Variants in MTMR3 observed in about 807,000 individuals in gnomAD.
The protein encoded by MTMR3 is myotubularin related protein 3, also known as phosphatidylinositol-3,5-bisphosphate 3-phosphatase MTMR3.
In MTMR3, 32 loss-of-function variants were observed where a neutral mutation model predicts 132.4. That is an observed-to-expected ratio of 0.24 (90% CI 0.18 to 0.32). MTMR3 has a LOEUF of 0.32. MTMR3 is among the 10% of genes least tolerant of loss of function. The pLI is 1.00. For missense variants in MTMR3, 1,216 were observed against 1,489.6 expected, an observed-to-expected ratio of 0.82 and a Z score of 3.02; for synonymous variants, 556 against 550.3, an observed-to-expected ratio of 1.01 and a Z score of -0.14.
intron 19 of MTMR3, chr22:30,023,608 C>A: frequency 8.3e-7 from 1 of 1,207,722 alleles, no homozygotes; most frequent in South Asian, 1.2e-5. Context: ...GGTGCACAGG[C>A]AGATAGGTGG....
At chr22:29,906,245 CGTCTGTCT>C (rs57375920) in intron 1 of MTMR3, among the ~76,000 whole-genome samples, 9,802 of 106,330 alleles carry the variant, frequency 0.092, 435 homozygotes, top group African/African-American at 0.12. Context: ...TCCATCCATC[CGTCTGTCT>C]GTCTGTCTGT....
chr22:29,955,849 T>C (rs1336908562), intron 1 of MTMR3, among the ~76,000 whole-genome samples: 2 of 152,138 alleles, frequency 1.3e-5, no homozygotes, highest in Non-Finnish European at 2.9e-5. Context: ...CCTCCCGGGT[T>C]TGAGTGATTC....
chr22:29,929,724 G>A (rs2145787303), intron 1 of MTMR3, among the ~76,000 whole-genome samples: 1 of 152,214 alleles, frequency 6.6e-6, no homozygotes. Flanking sequence ...GTGTTAGTCA[G>A]GATGGTCTTG....
intron 1 of MTMR3, among the ~76,000 whole-genome samples, chr22:29,889,999 C>T (rs1273505996): frequency 2.0e-5 from 3 of 151,352 alleles, no homozygotes; most frequent in Admixed American, 6.6e-5. Context: ...CTCTGCCTCC[C>T]GGGTTCAAGC....
chr22:29,913,472 T>C (rs373180016), intron 1 of MTMR3, among the ~76,000 whole-genome samples: 1 of 152,294 alleles, frequency 6.6e-6, no homozygotes, highest in African/African-American at 2.4e-5. Flanking sequence ...TTTGACTCTT[T>C]TTGCTGCCAC....
chr22:29,919,287 A>G (rs528825583), intron 1 of MTMR3, among the ~76,000 whole-genome samples: 15 of 152,120 alleles, frequency 9.9e-5, no homozygotes, highest in East Asian at 1.9e-4. Flanking sequence ...TCATACCATA[A>G]CTATATACAT....
chr22:30,006,900 G>C, intron 9 of MTMR3: 1 of 539,732 alleles, frequency 1.9e-6, no homozygotes, highest in African/African-American at 1.9e-5. Context: ...AGGGATCTCC[G>C]TGATGTTATG....
chr22:29,991,830 A>G (rs190466003), intron 7 of MTMR3, 160 bp downstream of exon 7: 47 of 683,706 alleles, frequency 6.9e-5, no homozygotes, highest in Non-Finnish European at 1.0e-4. Flanking sequence ...GCTTAATAGA[A>G]CATCTTTTCT....
At chr22:29,918,879 CTGTT>C (rs1041876538) in intron 1 of MTMR3, among the ~76,000 whole-genome samples, 16 of 152,092 alleles carry the variant, frequency 1.1e-4, no homozygotes, top group Non-Finnish European at 1.2e-4. Context: ...AAAGGATTGT[CTGTT>C]TGTATGGTTA....
At chr22:29,967,536 TA>T (rs956271630) in intron 2 of MTMR3, among the ~76,000 whole-genome samples, 1 of 150,686 alleles carries the variant, frequency 6.6e-6, no homozygotes, top group Non-Finnish European at 1.5e-5. Flanking sequence ...ATGGCTTCTG[TA>T]TTTTTTTTTT....
intron 16 of MTMR3, chr22:30,019,220 A>G (rs1414915826): frequency 5.4e-6 from 2 of 368,658 alleles, no homozygotes; most frequent in Admixed American, 4.2e-5. Context: ...AAAAAAAAAG[A>G]AAATAGCACT....
At chr22:29,916,830 A>G (rs898150971) in intron 1 of MTMR3, among the ~76,000 whole-genome samples, 8 of 152,222 alleles carry the variant, frequency 5.3e-5, no homozygotes, top group African/African-American at 1.9e-4. Context: ...TTGTGTAAAT[A>G]AATAAATGTT....
At position 30,022,125 on chromosome 22, in the gene MTMR3, A is replaced by G; in HGVS notation, c.3322A>G (p.Lys1108Glu). Residue 1108 changes from lysine (K) to glutamate (E), a missense_variant, in exon 18 of 20, where the codon AAA (lysine) becomes GAA (glutamate). Lys to Glu is a moderately conservative substitution (Grantham distance 56). Around this residue, in one of 7 missense-constraint regions of MTMR3, gnomAD observed 852 missense variants for 852.0 expected, o/e 1.00. Coordinates refer to ENST00000401950, the MANE Select transcript of MTMR3 (RefSeq NM_021090.4). ...FSEASWEQVD[K>E]QDTEMTRWLP... ...TGAAGCCAGCTGGGAGCAGGTGGAT[A>G]AACAGGACACAGAGGTACAGGCTCA... The G allele has an allele frequency of 6.2e-7, 1 of 1,613,372 alleles. No individual in the cohort carries two copies.
At chr22:30,010,876 A>C (rs2067402273) in intron 12 of MTMR3, 1 of 152,130 alleles carries the variant, frequency 6.6e-6, no homozygotes, top group Admixed American at 6.5e-5. Flanking sequence ...TTACGATTGG[A>C]TTTTTACCCA....
rs1266197226 is a variant in MTMR3 at position 30,007,292 on chromosome 22, G to T, written c.850G>T (p.Gly284Trp). The T allele has an allele frequency of 3.1e-6, 5 of 1,614,036 alleles. No individual in the cohort carries two copies. In the South Asian group the frequency reaches 5.5e-5, roughly 18 times the overall value. ...GAACACTTCTCGAGACTTTCCCAAT[G>T]GGGGAGACCTTTCTGACGTGGAGTT... Reference protein sequence around the residue: ...TRNTSRDFPNGGDLSDVEFDS... With the variant: ...TRNTSRDFPNWGDLSDVEFDS... Residue 284 changes from glycine to tryptophan, a missense_variant, in exon 10 of 20, where the codon GGG becomes TGG. Gly to Trp is a radical substitution (Grantham distance 184). Transcript: ENST00000401950.
intron 1 of MTMR3, among the ~76,000 whole-genome samples, chr22:29,932,671 A>G (rs766073448): frequency 8.5e-5 from 13 of 152,234 alleles, no homozygotes; most frequent in Non-Finnish European, 1.8e-4. Context: ...AAGCAAAAGG[A>G]TAATGAACTG....
Position 30,028,414 on chromosome 22 carries a change from C to T in MTMR3, c.*2613C>T, listed in dbSNP as rs2067952160. ...GCCCTCTCTCCACACAGAGAGGAACCTCTGCTCCTTAGCTCTTACAGCAGG... is the reference window on the plus strand; with the variant it reads ...GCCCTCTCTCCACACAGAGAGGAACTTCTGCTCCTTAGCTCTTACAGCAGG... On this transcript the variant is annotated 3_prime_UTR_variant, in exon 20 of 20. Coordinates refer to ENST00000401950, the MANE Select transcript of MTMR3 (RefSeq NM_021090.4). 6.6e-6 allele frequency: 1 copy of T among 152,430 alleles called. No homozygotes were observed. The highest frequency in any genetic ancestry group is 2.4e-5 in the African/African-American group (1 of 41,466). 9.4% of individuals were successfully genotyped at this position (152,430 alleles called of 1,614,324 possible).
At chr22:29,964,280 A>G (rs1408491605) in intron 2 of MTMR3, among the ~76,000 whole-genome samples, 2 of 152,214 alleles carry the variant, frequency 1.3e-5, no homozygotes, top group Non-Finnish European at 2.9e-5. Context: ...TGCTGTAATG[A>G]ACCCTGAATA....
chr22:30,000,130 A>G (rs1223670456), intron 8 of MTMR3: 2 of 151,946 alleles, frequency 1.3e-5, no homozygotes, highest in African/African-American at 2.4e-5. Context: ...CTATAAAACA[A>G]AATTGTCCAT....
Sources: gnomAD v4.1 joint callset for allele counts (sites outside exome capture counted in the v4.1 genomes callset) on GRCh38, gnomAD v4.1.1 for gene constraint, gnomAD v4.1.1 regional missense constraint, MANE v1.5 for transcripts, NCBI Gene and HGNC (gene_info 2026-07-23, HGNC 2026-07-21) for gene names.